The following DTNA variants were observed in gnomAD, a reference collection of about 807,000 sequenced individuals.
DTNA encodes the protein dystrophin-related protein 3.
In DTNA, 43 loss-of-function variants were observed where a neutral mutation model predicts 100.7. The observed-to-expected ratio is 0.43, with a 90% CI of 0.33 to 0.55. The LOEUF is 0.55. Among genes scored for constraint, DTNA ranks in the 20% least tolerant of loss-of-function variants. The probability of loss-of-function intolerance (pLI) is 0.04; values close to 1 mark genes in which losing one functional copy is unlikely to be tolerated. For synonymous variants in DTNA, 349 were observed against 347.9 expected (o/e 1.00, Z -0.04); for missense variants, 798 against 953.9 (o/e 0.84, Z 2.15).
At chr18:34,683,280 A>G (rs2145574016) in intron 1 of DTNA, among the ~76,000 whole-genome samples, 1 of 152,298 alleles carries the variant, frequency 6.6e-6, no homozygotes, top group African/African-American at 2.4e-5. Context: ...TCAGGATCCC[A>G]GTGTCTGTCT....
At chr18:34,517,944 A>G (rs767754360) in intron 1 of DTNA, among the ~76,000 whole-genome samples, 2 of 152,154 alleles carry the variant, frequency 1.3e-5, no homozygotes, top group Non-Finnish European at 2.9e-5. Context: ...GTAAACTTTC[A>G]TTTCTCTGGG....
At chr18:34,588,415 G>T (rs78216439) in intron 1 of DTNA, among the ~76,000 whole-genome samples, 198 of 152,180 alleles carry the variant, frequency 1.3e-3, no homozygotes, top group African/African-American at 4.2e-3. Flanking sequence ...GCCAGATTCT[G>T]TTTCCCGCCT....
intron 1 of DTNA, among the ~76,000 whole-genome samples, chr18:34,517,002 C>T (rs2510198): frequency 1 from 151,697 of 152,242 alleles, 75,579 homozygotes; most frequent in Middle Eastern, 1. Flanking sequence ...TGTTCAGAGA[C>T]TGCAGTAAAG....
chr18:34,753,441 G>A (rs1448225692), intron 1 of DTNA, among the ~76,000 whole-genome samples: 1 of 140,634 alleles, frequency 7.1e-6, no homozygotes, highest in Non-Finnish European at 1.5e-5. Flanking sequence ...GGAGTGCAGT[G>A]GCGGGATCTC....
intron 17 of DTNA, among the ~76,000 whole-genome samples, chr18:34,869,737 T>C (rs1442066807): frequency 6.6e-6 from 1 of 152,164 alleles, no homozygotes; most frequent in Non-Finnish European, 1.5e-5. Context: ...AGGATAAAAC[T>C]AAGGCCGTGC....
chr18:34,887,915 C>A lies in DTNA; in HGVS notation c.*181C>A. On this transcript the variant is annotated 3_prime_UTR_variant, in exon 23 of 23. Coordinates refer to ENST00000444659, the MANE Select transcript of DTNA (RefSeq NM_001386795.1). ...CACCCAGCAGCTCCTGACAGACCCC[C>A]ACCCCTAAAGATGTGTCCTGATGAC... 1 of 986,732 alleles carries A rather than the reference C, an allele frequency of 1.0e-6. No homozygotes were observed. The highest frequency in any genetic ancestry group is 1.7e-5 in the African/African-American group (1 of 57,358). 61.1% of individuals were successfully genotyped at this position (986,732 alleles called of 1,614,324 possible).
chr18:34,888,339 G>C lies in DTNA; in HGVS notation c.*605G>C. On this transcript the variant is annotated 3_prime_UTR_variant, in exon 23 of 23. Coordinates refer to ENST00000444659, the MANE Select transcript of DTNA (RefSeq NM_001386795.1). Reference sequence around the variant, plus strand: ...TAACCCTGAAGAATTTGGTTCCTGAGTGTACAAACTCAGAGCCCGGAAGCC... The same window carrying C: ...TAACCCTGAAGAATTTGGTTCCTGACTGTACAAACTCAGAGCCCGGAAGCC... 1 of 985,726 alleles carries C rather than the reference G, an allele frequency of 1.0e-6. No individual in the cohort carries two copies. Among genetic ancestry groups the C allele is most frequent in the African/African-American group, 1.7e-5 (1 of 57,292 alleles). 61.1% of individuals were successfully genotyped at this position (985,726 alleles called of 1,614,324 possible). A position where few individuals can be genotyped will look rare whatever the true frequency, so the allele number is the denominator to read the frequency against.
intron 8 of DTNA, among the ~76,000 whole-genome samples, chr18:34,819,541 C>T (rs2095663230): frequency 6.6e-6 from 1 of 152,206 alleles, no homozygotes; most frequent in African/African-American, 2.4e-5. Flanking sequence ...TTTCAAACTT[C>T]TACCCCATAT....
At chr18:34,723,776 G>A (rs1568322939) in intron 1 of DTNA, among the ~76,000 whole-genome samples, 1 of 152,066 alleles carries the variant, frequency 6.6e-6, no homozygotes, top group South Asian at 2.1e-4. Flanking sequence ...ACGGGTGCCT[G>A]TAATCCCAGC....
At chr18:34,648,189 T>C (rs929150559) in intron 1 of DTNA, among the ~76,000 whole-genome samples, 2 of 152,122 alleles carry the variant, frequency 1.3e-5, no homozygotes, top group Non-Finnish European at 2.9e-5. Context: ...GTCTGAGTGG[T>C]AATGGCAGAA....
At chr18:34,736,881 G>C (rs1284942730) in intron 1 of DTNA, among the ~76,000 whole-genome samples, 1 of 152,124 alleles carries the variant, frequency 6.6e-6, no homozygotes, top group Non-Finnish European at 1.5e-5. Context: ...AAACCTGGGG[G>C]ATAACTTTGT....
At chr18:34,532,412 A>G (rs1232984111) in intron 1 of DTNA, among the ~76,000 whole-genome samples, 1 of 152,094 alleles carries the variant, frequency 6.6e-6, no homozygotes, top group African/African-American at 2.4e-5. Flanking sequence ...TGGATTATAG[A>G]GTGTGGAAAA....
chr18:34,889,942 GCCAC>G lies in DTNA; in HGVS notation c.*2209_*2212del. The G allele has an allele frequency of 4.7e-6, 5 of 1,053,726 alleles. No homozygotes were observed. In the South Asian group the frequency reaches 1.5e-4, roughly 32 times the overall value. The allele number at this position is 1,053,726 out of a possible 1,614,324, so 65.3% of individuals were successfully genotyped here. On this transcript the variant is annotated 3_prime_UTR_variant, in exon 23 of 23. Coordinates refer to ENST00000444659, the MANE Select transcript of DTNA (RefSeq NM_001386795.1). ...CATACCTCTCTAGATGGAGCAGGTG[GCCAC>G]TGGTGCCTCATACTCAGTATTGAAA... is the stretch of plus-strand genomic sequence containing the variant.
At chr18:34,600,943 T>A (rs1299284797) in intron 1 of DTNA, among the ~76,000 whole-genome samples, 1 of 152,208 alleles carries the variant, frequency 6.6e-6, no homozygotes, top group Non-Finnish European at 1.5e-5. Context: ...TCACATTCCC[T>A]TAGCCAAAGC....
intron 1 of DTNA, among the ~76,000 whole-genome samples, chr18:34,682,297 A>G (rs571042404): frequency 2.6e-5 from 4 of 152,216 alleles, no homozygotes; most frequent in South Asian, 4.1e-4. Flanking sequence ...CAAATTTTCA[A>G]CTCATTTAGG....
intron 1 of DTNA, among the ~76,000 whole-genome samples, chr18:34,597,007 C>T (rs1166109419): frequency 6.6e-6 from 1 of 152,134 alleles, no homozygotes; most frequent in Non-Finnish European, 1.5e-5. Flanking sequence ...CCCCTAGCCC[C>T]CAATTCCCTG....
At chr18:34,859,282 A>G (rs1302610666) in intron 16 of DTNA, among the ~76,000 whole-genome samples, 1 of 152,002 alleles carries the variant, frequency 6.6e-6, no homozygotes, top group Non-Finnish European at 1.5e-5. Context: ...GACAAAACGC[A>G]CAAACAAAGC....
intron 3 of DTNA, among the ~76,000 whole-genome samples, chr18:34,785,901 T>C (rs976477181): frequency 6.6e-6 from 1 of 152,128 alleles, no homozygotes; most frequent in East Asian, 1.9e-4. Context: ...TAAACACTTA[T>C]TGTATGAGAG....
intron 1 of DTNA, among the ~76,000 whole-genome samples, chr18:34,713,523 T>C (rs1600660173): frequency 6.6e-6 from 1 of 151,940 alleles, no homozygotes; most frequent in Admixed American, 6.6e-5. Context: ...CCATGCTGTT[T>C]TGGTTACTGT....
Sources: allele counts gnomAD v4.1 joint callset (sites outside exome capture counted in the v4.1 genomes callset), GRCh38; gene constraint gnomAD v4.1.1; transcripts MANE v1.5; gene names NCBI Gene and HGNC (gene_info 2026-07-23, HGNC 2026-07-21).